The following ANGPT1 variants were observed in gnomAD, a reference collection of about 807,000 sequenced individuals.
ANGPT1 encodes the protein angiopoietin-1.
In ANGPT1, 17 loss-of-function variants were observed where a neutral mutation model predicts 62.2. That is an observed-to-expected ratio of 0.27 (90% CI 0.19 to 0.41). The LOEUF is 0.41. Among genes scored for constraint, ANGPT1 ranks in the 10% least tolerant of loss-of-function variants. The pLI is 1.00. For missense variants in ANGPT1, 478 were observed against 594.9 expected, an observed-to-expected ratio of 0.80 and a Z score of 2.04; for synonymous variants, 199 against 198.9, an observed-to-expected ratio of 1.00 and a Z score of 0.00.
At chr8:107,281,521 G>A (rs1814002888) in intron 7 of ANGPT1, among the ~76,000 whole-genome samples, 1 of 152,126 alleles carries the variant, frequency 6.6e-6, no homozygotes, top group Non-Finnish European at 1.5e-5. Context: ...GCTCACTCCT[G>A]TAATCCCAGC....
chr8:107,404,761 A>T (rs867190975), intron 1 of ANGPT1, among the ~76,000 whole-genome samples: 2 of 152,094 alleles, frequency 1.3e-5, no homozygotes, highest in Non-Finnish European at 2.9e-5. Context: ...ATTTTGGTAG[A>T]TAATGACACA....
At position 107,370,407 on chromosome 8, in the gene ANGPT1, A is replaced by AGAAAGAAAGAAAGAAAG. The variant is rs149930759; in HGVS notation, c.298-23311_298-23310insCTTTCTTTCTTTCTTTC. The stretch of plus-strand genomic sequence containing the variant: ...AAGAAAGAAAGAAAGAAAGAAAGAA[A>AGAAAGAAAGAAAGAAAG]GAGTCAGGGTCAGTGGCTCAGGCCT... On this transcript the variant is annotated intron_variant, in intron 1 of 8. Coordinates refer to ENST00000517746, the MANE Select transcript of ANGPT1 (RefSeq NM_001146.5). Among the ~76,000 whole-genome samples the AGAAAGAAAGAAAGAAAG allele has an allele frequency of 5.6e-5, 4 of 71,966 alleles. 1 individual carries two copies. The highest frequency in any genetic ancestry group is 0.018 in the Middle Eastern group (2 of 114). The allele number at this position is 71,966 out of a possible 152,430, so 47.2% of individuals were successfully genotyped here.
chr8:107,315,477 T>G (rs1814992324), intron 4 of ANGPT1, among the ~76,000 whole-genome samples: 1 of 152,144 alleles, frequency 6.6e-6, no homozygotes, highest in Non-Finnish European at 1.5e-5. Context: ...CTGAGCCATG[T>G]AGCATACCAA....
intron 1 of ANGPT1, among the ~76,000 whole-genome samples, chr8:107,378,646 G>A (rs757917172): frequency 6.6e-6 from 1 of 151,946 alleles, no homozygotes; most frequent in African/African-American, 2.4e-5. Context: ...TTGGATCATG[G>A]GGTGGTTTCC....
At chr8:107,456,957 A>C (rs1811937117) in intron 1 of ANGPT1, among the ~76,000 whole-genome samples, 1 of 152,058 alleles carries the variant, frequency 6.6e-6, no homozygotes, top group African/African-American at 2.4e-5. Flanking sequence ...TTCATTAATA[A>C]AGCAGTATTT....
intron 3 of ANGPT1, chr8:107,322,691 C>A (rs548161556): frequency 2.3e-5 from 7 of 310,052 alleles, no homozygotes; most frequent in African/African-American, 9.1e-5. Flanking sequence ...GGTTTATGTA[C>A]AATGACATTA....
rs567967831 is a variant in ANGPT1 at position 107,493,341 on chromosome 8, C to T, written c.297+3921G>A. 1.3e-4 allele frequency among the ~76,000 whole-genome samples: 19 copies of T among 150,412 alleles called. 1 individual carries two copies. Among genetic ancestry groups the T allele is most frequent in the Admixed American group, 1.1e-3 (17 of 15,012 alleles). Reference sequence around the variant, plus strand: ...CTGTGATGACATTTGAGAACTCAGCCTGGGAGGGTAAGTGGAGTGTGGGTA... The same window carrying T: ...CTGTGATGACATTTGAGAACTCAGCTTGGGAGGGTAAGTGGAGTGTGGGTA... On this transcript the variant is annotated intron_variant, in intron 1 of 8. Coordinates refer to ENST00000517746, the MANE Select transcript of ANGPT1 (RefSeq NM_001146.5).
chr8:107,486,821 C>T (rs564343018), intron 1 of ANGPT1, among the ~76,000 whole-genome samples: 1 of 152,248 alleles, frequency 6.6e-6, no homozygotes, highest in South Asian at 2.1e-4. Context: ...AAATAGTGGA[C>T]ACAAACAATG....
rs1319048984 is a variant in ANGPT1 at position 107,355,433 on chromosome 8, ATGTCAC to A, written c.298-8342_298-8337del. On this transcript the variant is annotated intron_variant, in intron 1 of 8. Coordinates refer to ENST00000517746, the MANE Select transcript of ANGPT1 (RefSeq NM_001146.5). Reference sequence around the variant, plus strand: ...TCTAAAGCACAGATTTGGCTTTGTCATGTCACTGTTCAAACTCTTTCAGTAGCTTCT... The same window carrying A: ...TCTAAAGCACAGATTTGGCTTTGTCATGTTCAAACTCTTTCAGTAGCTTCT... Among the ~76,000 whole-genome samples, 4 of 152,136 alleles carry A rather than the reference ATGTCAC, an allele frequency of 2.6e-5. No homozygotes were observed. The East Asian group carries it at 7.7e-4, about 29-fold the overall frequency.
At chr8:107,496,666 C>G (rs1402926672) in intron 1 of ANGPT1, among the ~76,000 whole-genome samples, 1 of 151,938 alleles carries the variant, frequency 6.6e-6, no homozygotes, top group Non-Finnish European at 1.5e-5. Flanking sequence ...TTCTCAAGGA[C>G]AGAAGAAAAA....
At chr8:107,495,548 G>C (rs1203798068) in intron 1 of ANGPT1, among the ~76,000 whole-genome samples, 1 of 152,092 alleles carries the variant, frequency 6.6e-6, no homozygotes, top group Non-Finnish European at 1.5e-5. Flanking sequence ...GTGATTATAC[G>C]CTTTAAGCAA....
At chr8:107,402,198 C>A (rs1388603448) in intron 1 of ANGPT1, among the ~76,000 whole-genome samples, 1 of 152,118 alleles carries the variant, frequency 6.6e-6, no homozygotes, top group Admixed American at 6.5e-5. Context: ...TTGAGTAGAA[C>A]AAACTCATTT....
intron 1 of ANGPT1, among the ~76,000 whole-genome samples, chr8:107,374,107 C>G (rs1003530087): frequency 6.6e-6 from 1 of 152,158 alleles, no homozygotes; most frequent in African/African-American, 2.4e-5. Flanking sequence ...ATATATGCTG[C>G]CTTGCAAAAC....
intron 1 of ANGPT1, among the ~76,000 whole-genome samples, chr8:107,464,283 T>A (rs1462794282): frequency 5.3e-5 from 8 of 152,156 alleles, no homozygotes; most frequent in Non-Finnish European, 1.0e-4. Flanking sequence ...ACTACAAAAG[T>A]GATCCTATGA....
chr8:107,358,387 TC>T (rs1238498265), intron 1 of ANGPT1, among the ~76,000 whole-genome samples: 3 of 148,366 alleles, frequency 2.0e-5, no homozygotes, highest in Non-Finnish European at 4.5e-5. Context: ...TTTTTTTTTT[TC>T]TCCCTTTGAT....
chr8:107,473,320 A>C (rs1000351498), intron 1 of ANGPT1, among the ~76,000 whole-genome samples: 1 of 152,056 alleles, frequency 6.6e-6, no homozygotes, highest in Non-Finnish European at 1.5e-5. Flanking sequence ...TTCCTATACA[A>C]GTCACAAAAA....
At chr8:107,288,496 T>C (rs1203370139) in intron 6 of ANGPT1, among the ~76,000 whole-genome samples, 2 of 152,080 alleles carry the variant, frequency 1.3e-5, no homozygotes, top group South Asian at 2.1e-4. Flanking sequence ...GAAACAGCTG[T>C]GGGGGTTTTA....
chr8:107,407,775 C>T (rs1014364608), intron 1 of ANGPT1, among the ~76,000 whole-genome samples: 3 of 152,086 alleles, frequency 2.0e-5, no homozygotes, highest in Non-Finnish European at 4.4e-5. Flanking sequence ...GGCACTTCTA[C>T]GAGAGGCGGT....
In ANGPT1 at chr8:107,349,059, C is replaced by T. The variant is rs13439566; in HGVS notation, c.298-1962G>A. Among the ~76,000 whole-genome samples the T allele has an allele frequency of 8.9e-3, 1,356 of 152,040 alleles. 27 individuals are homozygous for T. The highest frequency in any genetic ancestry group is 0.031 in the African/African-American group (1,265 of 41,444). ...CCAATACAGTTGATGCCCGATTTTG[C>T]CACCACAAAACCAGAGTCAGCCCAA... On this transcript the variant is annotated intron_variant, in intron 1 of 8. Coordinates refer to ENST00000517746, the MANE Select transcript of ANGPT1 (RefSeq NM_001146.5).
Sources: gnomAD v4.1 joint callset for allele counts (sites outside exome capture counted in the v4.1 genomes callset) on GRCh38, gnomAD v4.1.1 for gene constraint, MANE v1.5 for transcripts, NCBI Gene and HGNC (gene_info 2026-07-23, HGNC 2026-07-21) for gene names.